The following KCNQ5 variants were observed in gnomAD, a reference collection of about 807,000 sequenced individuals.
KCNQ5 encodes potassium voltage-gated channel subfamily Q member 5, also known as potassium voltage-gated channel subfamily KQT member 5.
KCNQ5 carries 30 observed loss-of-function variants against 98.2 expected under a neutral mutation model. The observed-to-expected ratio is 0.31, with a 90% CI of 0.23 to 0.41. The LOEUF (loss-of-function observed/expected upper bound fraction) is 0.41, where lower values mean the gene tolerates loss of function less well. KCNQ5 is among the 10% of genes least tolerant of loss of function. The pLI, the probability that KCNQ5 is intolerant of heterozygous loss-of-function variation, is 1.00. For missense variants in KCNQ5, 835 were observed against 1,182.5 expected (o/e 0.71, Z 4.31); for synonymous variants, 458 against 449.4 (o/e 1.02, Z -0.24).
chr6:72,870,042 G>A lies in KCNQ5; in HGVS notation c.399-133866G>A, dbSNP rs533247986. Among the ~76,000 whole-genome samples the A allele has an allele frequency of 6.2e-4, 94 of 152,258 alleles. No homozygotes were observed. The Middle Eastern group carries it at 0.01, about 17-fold the overall frequency. On this transcript the variant is annotated intron_variant, in intron 1 of 13. Coordinates refer to ENST00000370398, the MANE Select transcript of KCNQ5 (RefSeq NM_019842.4). ...CCCTGTCAAAATTTCACCTGCACAT[G>A]CTCATACTGTAAAGTACAGCTATTT... is the stretch of plus-strand genomic sequence containing the variant.
chr6:72,637,085 A>G (rs536727747), intron 1 of KCNQ5, among the ~76,000 whole-genome samples: 2 of 152,354 alleles, frequency 1.3e-5, no homozygotes, highest in Non-Finnish European at 2.9e-5. Flanking sequence ...TAATTAAACT[A>G]GTTAAACTAA....
At position 73,195,996 on chromosome 6, in the gene KCNQ5, G is replaced by A. The variant is rs185401796; in HGVS notation, c.*582G>A. ...ATTTGTGTGCTTTTGGTGATTTAGC[G>A]CTGTGGCAAGCAATTTTGCACATCA... On this transcript the variant is annotated 3_prime_UTR_variant, in exon 14 of 14. Transcript: ENST00000370398. 11 of 153,796 alleles carry A rather than the reference G, an allele frequency of 7.2e-5. No individual in the cohort carries two copies. The highest frequency in any genetic ancestry group is 2.6e-4 in the Admixed American group (4 of 15,576). The allele number at this position is 153,796 out of a possible 1,614,324, so 9.5% of individuals were successfully genotyped here.
chr6:72,632,160 C>T (rs1279874936), intron 1 of KCNQ5, among the ~76,000 whole-genome samples: 4 of 119,782 alleles, frequency 3.3e-5, no homozygotes, highest in African/African-American at 1.2e-4. Context: ...TTTTTTGAGA[C>T]GGAGTCTCAC....
chr6:72,712,307 G>T (rs1403635911), intron 1 of KCNQ5, among the ~76,000 whole-genome samples: 3 of 152,142 alleles, frequency 2.0e-5, no homozygotes, highest in African/African-American at 7.2e-5. Context: ...GAAATTCATA[G>T]AGTCCAAGGT....
chr6:73,100,472 C>T (rs1427685575), intron 5 of KCNQ5, among the ~76,000 whole-genome samples: 1 of 151,768 alleles, frequency 6.6e-6, no homozygotes, highest in Non-Finnish European at 1.5e-5. Context: ...CGAGACCATC[C>T]TGGCTAACAT....
At chr6:73,083,183 T>A (rs1773850436) in intron 5 of KCNQ5, among the ~76,000 whole-genome samples, 2 of 152,208 alleles carry the variant, frequency 1.3e-5, no homozygotes, top group Non-Finnish European at 2.9e-5. Flanking sequence ...CGTGAGCCAC[T>A]GTGCCCGTCC....
intron 1 of KCNQ5, among the ~76,000 whole-genome samples, chr6:72,717,747 C>T (rs111516473): frequency 1.6e-4 from 24 of 152,256 alleles, no homozygotes; most frequent in African/African-American, 5.3e-4. Context: ...TTTTTGTTAT[C>T]ATCCATCTAA....
intron 1 of KCNQ5, among the ~76,000 whole-genome samples, chr6:72,832,521 A>G (rs1436339183): frequency 6.6e-6 from 1 of 152,140 alleles, no homozygotes; most frequent in Non-Finnish European, 1.5e-5. Flanking sequence ...CTGGCCCAAA[A>G]TGTCAACAGT....
intron 1 of KCNQ5, among the ~76,000 whole-genome samples, chr6:72,948,952 C>CT (rs1243827741): frequency 2.0e-5 from 3 of 152,070 alleles, no homozygotes; most frequent in Admixed American, 6.6e-5. Flanking sequence ...CTGAAAAACA[C>CT]TTTTTTTATT....
chr6:72,671,803 T>C (rs921513478), intron 1 of KCNQ5, among the ~76,000 whole-genome samples: 1 of 152,052 alleles, frequency 6.6e-6, no homozygotes, highest in Non-Finnish European at 1.5e-5. Flanking sequence ...TATACACATA[T>C]ATATCACCAG....
chr6:72,975,431 C>T (rs76812441), intron 1 of KCNQ5, among the ~76,000 whole-genome samples: 2 of 152,120 alleles, frequency 1.3e-5, no homozygotes, highest in African/African-American at 4.8e-5. Context: ...CTTTTCTGAT[C>T]TATAAAATAC....
At chr6:72,974,436 C>A (rs942543753) in intron 1 of KCNQ5, among the ~76,000 whole-genome samples, 9 of 149,232 alleles carry the variant, frequency 6.0e-5, no homozygotes, top group African/African-American at 2.2e-4. Flanking sequence ...TGGAAAATAA[C>A]GCATTTTTTC....
chr6:72,987,228 A>G (rs1456367609), intron 1 of KCNQ5: 4 of 691,418 alleles, frequency 5.8e-6, no homozygotes, highest in Non-Finnish European at 1.1e-5. Flanking sequence ...AAAGAACAAG[A>G]GGAAAGAGAG....
chr6:73,001,703 T>C (rs1032998550), intron 1 of KCNQ5, among the ~76,000 whole-genome samples: 2 of 152,184 alleles, frequency 1.3e-5, no homozygotes, highest in African/African-American at 4.8e-5. Context: ...CCAACTACCT[T>C]AGTAATCCCT....
chr6:72,770,132 C>T (rs1358947396), intron 1 of KCNQ5, among the ~76,000 whole-genome samples: 2 of 152,086 alleles, frequency 1.3e-5, no homozygotes. Flanking sequence ...ATTTTAATGG[C>T]TCATTTGACT....
intron 1 of KCNQ5, among the ~76,000 whole-genome samples, chr6:72,658,657 T>G (rs1256237254): frequency 6.7e-6 from 1 of 148,198 alleles, no homozygotes; most frequent in Non-Finnish European, 1.5e-5. Context: ...CTCACCTTAC[T>G]GCAACCTCCG....
chr6:72,996,463 C>T (rs1158289268), intron 1 of KCNQ5, among the ~76,000 whole-genome samples: 1 of 152,198 alleles, frequency 6.6e-6, no homozygotes, highest in East Asian at 1.9e-4. Context: ...TCTTAAAATA[C>T]GGTAAGCTGG....
At chr6:72,785,859 C>A (rs1456937636) in intron 1 of KCNQ5, among the ~76,000 whole-genome samples, 1 of 152,078 alleles carries the variant, frequency 6.6e-6, no homozygotes, top group Non-Finnish European at 1.5e-5. Flanking sequence ...TACATCCATT[C>A]CCGCAATAAA....
intron 1 of KCNQ5, among the ~76,000 whole-genome samples, chr6:72,739,491 C>A (rs1771020891): frequency 2.0e-5 from 3 of 152,206 alleles, no homozygotes; most frequent in Non-Finnish European, 4.4e-5. Context: ...TTTTACTCTG[C>A]TTCATCTCTA....
Sources: allele counts gnomAD v4.1 joint callset (sites outside exome capture counted in the v4.1 genomes callset), GRCh38; gene constraint gnomAD v4.1.1; transcripts MANE v1.5; gene names NCBI Gene and HGNC (gene_info 2026-07-23, HGNC 2026-07-21).